The following CCSER1 variants were observed in gnomAD, a reference collection of about 807,000 sequenced individuals.
CCSER1 encodes the protein serine-rich coiled-coil domain-containing protein 1.
Under a neutral mutation model 82.0 loss-of-function variants are expected in CCSER1, and 41 were observed. The observed-to-expected ratio is 0.50, with a 90% CI of 0.39 to 0.65. CCSER1 has a LOEUF of 0.65. Ranked by LOEUF, CCSER1 falls within the 30% of genes least tolerant of loss-of-function variation. CCSER1 has a pLI of 0.00. For synonymous variants in CCSER1, 414 were observed against 383.9 expected (o/e 1.08, Z -0.92); for missense variants, 1,119 against 1,064.2 (o/e 1.05, Z -0.72).
intron 5 of CCSER1, among the ~76,000 whole-genome samples, chr4:90,478,520 T>G (rs1765412866): frequency 6.6e-6 from 1 of 152,108 alleles, no homozygotes; most frequent in South Asian, 2.1e-4. Flanking sequence ...AAATAATAAA[T>G]TGGTTTATTC....
At chr4:90,904,468 T>G (rs954067824) in intron 8 of CCSER1, among the ~76,000 whole-genome samples, 4 of 152,170 alleles carry the variant, frequency 2.6e-5, no homozygotes, top group South Asian at 2.1e-4. Flanking sequence ...TAACTTATTT[T>G]CTTTTTATTC....
At chr4:90,897,043 G>GA (rs1723815520) in intron 8 of CCSER1, among the ~76,000 whole-genome samples, 1 of 151,774 alleles carries the variant, frequency 6.6e-6, no homozygotes, top group Non-Finnish European at 1.5e-5. Context: ...TTTTTTCTCT[G>GA]AAAATTGTAT....
intron 3 of CCSER1, among the ~76,000 whole-genome samples, chr4:90,330,142 T>C (rs959818186): frequency 2.0e-5 from 3 of 152,170 alleles, no homozygotes; most frequent in African/African-American, 7.2e-5. Flanking sequence ...TGAGAGAAAC[T>C]TTTGTAACAC....
At chr4:91,258,760 G>A (rs1476199974) in intron 10 of CCSER1, among the ~76,000 whole-genome samples, 1 of 151,916 alleles carries the variant, frequency 6.6e-6, no homozygotes, top group Non-Finnish European at 1.5e-5. Context: ...TATTTTTATA[G>A]ACTTACTAAA....
intron 10 of CCSER1, among the ~76,000 whole-genome samples, chr4:91,550,488 C>A (rs1481050452): frequency 3.3e-5 from 5 of 152,056 alleles, no homozygotes; most frequent in Admixed American, 2.0e-4. Context: ...TTGGAGAATG[C>A]GATTTGTGCT....
rs138207514 is a variant in CCSER1 at position 90,705,994 on chromosome 4, C to A, written c.1933-17920C>A. ...GCACCCACTGTCCTGCACCCACTGT[C>A]TGACAAGCCCCAGTGAGATGAACCT... On this transcript the variant is annotated intron_variant, in intron 6 of 10. Transcript: ENST00000509176. Among the ~76,000 whole-genome samples the A allele has an allele frequency of 9.8e-3, 1,497 of 152,304 alleles. 18 individuals carry two copies. The highest frequency in any genetic ancestry group is 0.017 in the Admixed American group (267 of 15,292).
chr4:90,701,053 T>C (rs547595647), intron 6 of CCSER1, among the ~76,000 whole-genome samples: 2 of 152,320 alleles, frequency 1.3e-5, no homozygotes, highest in South Asian at 4.1e-4. Context: ...CATGAAGTCC[T>C]TGCCCATGCC....
intron 5 of CCSER1, among the ~76,000 whole-genome samples, chr4:90,597,735 T>C (rs1490989336): frequency 6.6e-6 from 1 of 152,128 alleles, no homozygotes. Flanking sequence ...ATAGCCCTCA[T>C]GTTGTACATT....
intron 8 of CCSER1, among the ~76,000 whole-genome samples, chr4:90,849,804 A>G (rs1248241943): frequency 6.6e-6 from 1 of 151,754 alleles, no homozygotes; most frequent in Non-Finnish European, 1.5e-5. Context: ...AAAAAAAAAA[A>G]AAAAAAAGAA....
chr4:90,948,528 T>C (rs1213231963), intron 9 of CCSER1, among the ~76,000 whole-genome samples: 1 of 151,902 alleles, frequency 6.6e-6, no homozygotes, highest in African/African-American at 2.4e-5. Context: ...TATGAGGCCA[T>C]GTTTTATTGT....
chr4:90,711,796 TTTG>T (rs78733616), intron 6 of CCSER1, among the ~76,000 whole-genome samples: 20,563 of 151,670 alleles, frequency 0.14, 1,756 homozygotes, highest in Non-Finnish European at 0.19. Flanking sequence ...CTGAAGTTTT[TTTG>T]TTGTTGTATC....
Position 90,140,657 on chromosome 4 carries a change from C to CTTATT in CCSER1, c.-42+12828_-42+12829insATTTT, listed in dbSNP as rs1724579150. The stretch of plus-strand genomic sequence containing the variant: ...CTTCCAATCAGGTATTTTTGGTCTA[C>CTTATT]TTTTTTTTTTTTTTTTTTTTTTTTT... On this transcript the variant is annotated intron_variant, in intron 1 of 10. Coordinates refer to ENST00000509176, the MANE Select transcript of CCSER1 (RefSeq NM_001145065.2). Among the ~76,000 whole-genome samples the CTTATT allele has an allele frequency of 1.4e-4, 9 of 63,646 alleles. No homozygotes were observed. In the South Asian group the frequency reaches 6.2e-3, roughly 44 times the overall value. The allele number at this position is 63,646 out of a possible 152,430, so 41.8% of individuals were successfully genotyped here.
intron 4 of CCSER1, among the ~76,000 whole-genome samples, chr4:90,433,517 T>C (rs28673173): frequency 0.018 from 2,679 of 152,164 alleles, 33 homozygotes; most frequent in African/African-American, 0.038. Context: ...TACCAAGATA[T>C]TAAAAACCCT....
At chr4:90,144,633 A>G (rs1268740240) in intron 1 of CCSER1, among the ~76,000 whole-genome samples, 1 of 152,236 alleles carries the variant, frequency 6.6e-6, no homozygotes, top group Non-Finnish European at 1.5e-5. Context: ...GTCATTAATA[A>G]CAACTGGATT....
At chr4:90,484,356 C>G (rs944966456) in intron 5 of CCSER1, among the ~76,000 whole-genome samples, 1 of 152,128 alleles carries the variant, frequency 6.6e-6, no homozygotes, top group African/African-American at 2.4e-5. Flanking sequence ...TCTTCTGAAG[C>G]CTTGTTCTCT....
chr4:91,168,526 G>C (rs1450124169), intron 10 of CCSER1, among the ~76,000 whole-genome samples: 3 of 148,164 alleles, frequency 2.0e-5, no homozygotes, highest in Non-Finnish European at 4.5e-5. Context: ...GCCCCATCTG[G>C]GAGGTGAGGA....
chr4:90,590,076 C>A (rs948627780), intron 5 of CCSER1, among the ~76,000 whole-genome samples: 2 of 152,064 alleles, frequency 1.3e-5, no homozygotes, highest in African/African-American at 4.8e-5. Context: ...GAGTTCCAGA[C>A]AAGCCTGGCC....
At chr4:91,197,847 A>T (rs2149061408) in intron 10 of CCSER1, among the ~76,000 whole-genome samples, 1 of 151,136 alleles carries the variant, frequency 6.6e-6, no homozygotes, top group African/African-American at 2.4e-5. Context: ...TCTGTATTTG[A>T]CTTTTCTCCT....
At position 91,531,784 on chromosome 4, in the gene CCSER1, G is replaced by C. The variant is rs187856539; in HGVS notation, c.2218-66788G>C. On this transcript the variant is annotated intron_variant, in intron 10 of 10. Coordinates refer to ENST00000509176, the MANE Select transcript of CCSER1 (RefSeq NM_001145065.2). ...AGGGTAATGAGCCCACACACCTCTTGCATAAGGACACTAATCCCAGCAATG... is the reference window on the plus strand; with the variant it reads ...AGGGTAATGAGCCCACACACCTCTTCCATAAGGACACTAATCCCAGCAATG... Among the ~76,000 whole-genome samples the C allele has an allele frequency of 1.5e-3, 228 of 152,290 alleles. 1 individual carries two copies. The highest frequency in any genetic ancestry group is 5.2e-3 in the African/African-American group (217 of 41,566).
Sources: gnomAD v4.1 joint callset for allele counts (sites outside exome capture counted in the v4.1 genomes callset) on GRCh38, gnomAD v4.1.1 for gene constraint, MANE v1.5 for transcripts, NCBI Gene and HGNC (gene_info 2026-07-23, HGNC 2026-07-21) for gene names.